The following LMO7 variants were observed in gnomAD, a reference collection of about 807,000 sequenced individuals.
LMO7 encodes the protein LIM domain only protein 7.
LMO7 carries 120 observed loss-of-function variants against 206.5 expected under a neutral mutation model. That is an observed-to-expected ratio of 0.58 (90% CI 0.50 to 0.68). LMO7 has a LOEUF of 0.68. Ranked by LOEUF, LMO7 falls within the 30% of genes least tolerant of loss-of-function variation. The pLI, the probability that LMO7 is intolerant of heterozygous loss-of-function variation, is 0.00. For synonymous variants in LMO7, 706 were observed against 681.5 expected, an observed-to-expected ratio of 1.04 and a Z score of -0.56; for missense variants, 1,959 against 1,957.9, an observed-to-expected ratio of 1.00 and a Z score of -0.01.
intron 1 of LMO7, among the ~76,000 whole-genome samples, chr13:75,688,356 T>C (rs1342534304): frequency 1.3e-5 from 2 of 152,224 alleles, no homozygotes; most frequent in Non-Finnish European, 2.9e-5. Flanking sequence ...CTTGTGCGAA[T>C]AACAGAAAGC....
chr13:75,783,321 G>C (rs752052636), intron 4 of LMO7, among the ~76,000 whole-genome samples: 1 of 152,128 alleles, frequency 6.6e-6, no homozygotes, highest in Non-Finnish European at 1.5e-5. Context: ...ATGAAGATCT[G>C]ATATGTTCCT....
chr13:75,650,727 T>G (rs2037472012), intron 1 of LMO7, among the ~76,000 whole-genome samples: 1 of 152,164 alleles, frequency 6.6e-6, no homozygotes, highest in Admixed American at 6.5e-5. Context: ...AATAAATTGA[T>G]TTTTTTGTCT....
At chr13:75,652,887 C>A (rs535892733) in intron 1 of LMO7, among the ~76,000 whole-genome samples, 1 of 152,140 alleles carries the variant, frequency 6.6e-6, no homozygotes, top group East Asian at 1.9e-4. Context: ...GAATGTAGGA[C>A]AAGCAGAACA....
chr13:75,658,549 A>G (rs12427985), intron 1 of LMO7, among the ~76,000 whole-genome samples: 30,100 of 152,042 alleles, frequency 0.2, 3,626 homozygotes, highest in Admixed American at 0.35. Flanking sequence ...AGTTTTTGCT[A>G]CAGCTCTGAA....
At chr13:75,661,076 G>A (rs1170293566) in intron 1 of LMO7, among the ~76,000 whole-genome samples, 1 of 152,174 alleles carries the variant, frequency 6.6e-6, no homozygotes, top group East Asian at 1.9e-4. Context: ...ATCTCCAGCA[G>A]TAATTCTTCC....
chr13:75,676,482 A>C (rs2040027103), intron 1 of LMO7, among the ~76,000 whole-genome samples: 1 of 152,208 alleles, frequency 6.6e-6, no homozygotes, highest in Non-Finnish European at 1.5e-5. Flanking sequence ...CTTCTAAGCA[A>C]TGTGGTAGGT....
At chr13:75,643,190 T>G (rs969948405) in intron 1 of LMO7, among the ~76,000 whole-genome samples, 3 of 152,188 alleles carry the variant, frequency 2.0e-5, no homozygotes, top group Non-Finnish European at 4.4e-5. Context: ...GAGAGTGCTT[T>G]GGGTAGTGAG....
At chr13:75,832,931 A>G (rs1041985090) in intron 15 of LMO7, 120 bp from the exon 16 acceptor site, 34 of 567,234 alleles carry the variant, frequency 6.0e-5, no homozygotes, top group African/African-American at 9.5e-5. Context: ...TGAAGCTTCT[A>G]GTTTATCATG....
intron 27 of LMO7, among the ~76,000 whole-genome samples, chr13:75,850,702 G>C (rs1290584822): frequency 6.6e-6 from 1 of 152,178 alleles, no homozygotes; most frequent in East Asian, 1.9e-4. Flanking sequence ...TGGGACACTT[G>C]AGCAGCTGTA....
At chr13:75,654,229 T>C (rs1220620923) in intron 1 of LMO7, among the ~76,000 whole-genome samples, 2 of 152,156 alleles carry the variant, frequency 1.3e-5, no homozygotes, top group African/African-American at 2.4e-5. Context: ...GTAGCAACAG[T>C]AGGAAGACAT....
chr13:75,679,968 A>G (rs1406182179), intron 1 of LMO7, among the ~76,000 whole-genome samples: 1 of 152,236 alleles, frequency 6.6e-6, no homozygotes, highest in East Asian at 1.9e-4. Context: ...TTACATAGGT[A>G]AACGTGTGCC....
At chr13:75,672,028 A>G (rs867228784) in intron 1 of LMO7, among the ~76,000 whole-genome samples, 1 of 152,144 alleles carries the variant, frequency 6.6e-6, no homozygotes. Flanking sequence ...AACACAATAC[A>G]GTCGACCCTC....
In LMO7 at chr13:75,717,932, C is replaced by T. The variant is rs75564176; in HGVS notation, c.140+4680C>T. On this transcript the variant is annotated intron_variant, in intron 2 of 30. Coordinates refer to ENST00000377534, the MANE Select transcript of LMO7 (RefSeq NM_001306080.2). The stretch of plus-strand genomic sequence containing the variant: ...TATTAACCCTGATCTGTTTTTACAG[C>T]CTTTTGAAATTTAGTGAAAACTGTT... 1.6e-4 allele frequency among the ~76,000 whole-genome samples: 25 copies of T among 152,324 alleles called. No individual in the cohort carries two copies. The East Asian group carries it at 4.6e-3, about 28-fold the overall frequency.
chr13:75,675,082 T>TC (rs2139424994), intron 1 of LMO7, among the ~76,000 whole-genome samples: 1 of 121,450 alleles, frequency 8.2e-6, no homozygotes, highest in Non-Finnish European at 2.0e-5. Context: ...TTTTCTTTTT[T>TC]CTTTTTTTTT....
At chr13:75,795,133 TG>T (rs2053810301) in intron 4 of LMO7, among the ~76,000 whole-genome samples, 1 of 152,026 alleles carries the variant, frequency 6.6e-6, no homozygotes, top group African/African-American at 2.4e-5. Context: ...ATGAATAAAA[TG>T]AAAAAACAGC....
chr13:75,655,090 C>T (rs1463478183), intron 1 of LMO7, among the ~76,000 whole-genome samples: 12 of 152,068 alleles, frequency 7.9e-5, no homozygotes, highest in African/African-American at 2.2e-4. Context: ...AGGCTGGTCT[C>T]GAACTCCTGA....
intron 1 of LMO7, among the ~76,000 whole-genome samples, chr13:75,693,762 G>A (rs1484601295): frequency 6.6e-6 from 1 of 152,154 alleles, no homozygotes; most frequent in Non-Finnish European, 1.5e-5. Flanking sequence ...GCATGTGGCC[G>A]AGGAGCATGG....
Position 75,819,503 on chromosome 13 carries a change from C to G in LMO7, c.2175C>G (p.Ser725Arg). 1 of 1,607,344 alleles carries G rather than the reference C, an allele frequency of 6.2e-7. No individual in the cohort carries two copies. The highest frequency in any genetic ancestry group is 1.1e-5 in the South Asian group (1 of 89,704). The part of the protein sequence containing the change: ...EKQALEKSKR[S>R]SKTFKEMLQD... ...AGGCACTTGAGAAGTCTAAGAGAAGCTCTAAGACGTTTAAGGAAATGCTGC... is the reference window on the plus strand; with the variant it reads ...AGGCACTTGAGAAGTCTAAGAGAAGGTCTAAGACGTTTAAGGAAATGCTGC... Residue 725 changes from serine (S) to arginine (R), a missense_variant, in exon 13 of 31, where the codon AGC (serine) becomes AGG (arginine). Transcript: ENST00000377534.
intron 1 of LMO7, among the ~76,000 whole-genome samples, chr13:75,671,530 T>G (rs2039580543): frequency 6.6e-6 from 1 of 152,126 alleles, no homozygotes; most frequent in Non-Finnish European, 1.5e-5. Context: ...CTTTTCTGTC[T>G]CCCAGTGTCC....
Sources: allele counts gnomAD v4.1 joint callset (sites outside exome capture counted in the v4.1 genomes callset), GRCh38; gene constraint gnomAD v4.1.1; transcripts MANE v1.5; gene names NCBI Gene and HGNC (gene_info 2026-07-23, HGNC 2026-07-21).